GALNT2: variants seen among roughly 807,000 people sequenced by gnomAD.
GALNT2 encodes the protein UDP-GalNAc:polypeptide N-acetylgalactosaminyltransferase 2.
GALNT2 carries 31 observed loss-of-function variants against 81.4 expected under a neutral mutation model. That is an observed-to-expected ratio of 0.38 (90% confidence interval 0.29 to 0.51). The LOEUF (loss-of-function observed/expected upper bound fraction) is 0.51, where lower values mean the gene tolerates loss of function less well. GALNT2 is among the 20% of genes least tolerant of loss of function. GALNT2 has a pLI of 0.87. For synonymous variants in GALNT2, 303 were observed against 287.4 expected (o/e 1.05, Z -0.55); for missense variants, 629 against 765.7 (o/e 0.82, Z 2.11).
chr1:230,200,489 C>G (rs1663856441), intron 2 of GALNT2, among the ~76,000 whole-genome samples: 1 of 152,346 alleles, frequency 6.6e-6, no homozygotes, highest in Admixed American at 6.5e-5. Flanking sequence ...CATGTGGAGT[C>G]ACCTAGTATG....
intron 1 of GALNT2, among the ~76,000 whole-genome samples, chr1:230,144,418 A>G (rs1342781088): frequency 6.6e-6 from 1 of 152,188 alleles, no homozygotes; most frequent in Non-Finnish European, 1.5e-5. Flanking sequence ...CGCAGCACCA[A>G]ATGATAAAAG....
Position 230,236,059 on chromosome 1 carries a change from G to A in GALNT2, c.420G>A (p.Val140=). The change falls in exon 4 of 16, where the codon GTG becomes GTA. Residue 140 remains valine, a synonymous_variant. Transcript: ENST00000366672. The part of the protein sequence containing the change: ...QWRVDLPATS[V]VITFHNEARS... ...GGGTGGATCTGCCGGCCACCAGCGTGGTGATCACGTTTCACAATGAAGCCA... is the reference window on the plus strand; with the variant it reads ...GGGTGGATCTGCCGGCCACCAGCGTAGTGATCACGTTTCACAATGAAGCCA... The A allele has an allele frequency of 5.6e-6, 9 of 1,613,964 alleles. No individual in the cohort carries two copies. The highest frequency in any genetic ancestry group is 7.6e-6 in the Non-Finnish European group (9 of 1,179,990).
chr1:230,101,170 A>G (rs960756251), intron 1 of GALNT2, among the ~76,000 whole-genome samples: 1 of 152,230 alleles, frequency 6.6e-6, no homozygotes, highest in African/African-American at 2.4e-5. Context: ...TTCTTAGACC[A>G]GATCTCCATT....
chr1:230,141,161 T>C (rs1280922823), intron 1 of GALNT2, among the ~76,000 whole-genome samples: 2 of 152,220 alleles, frequency 1.3e-5, no homozygotes, highest in African/African-American at 4.8e-5. Flanking sequence ...TGATTTATTT[T>C]GTTGGCAACA....
At chr1:230,098,330 T>C (rs1660308407) in intron 1 of GALNT2, among the ~76,000 whole-genome samples, 1 of 152,126 alleles carries the variant, frequency 6.6e-6, no homozygotes, top group Non-Finnish European at 1.5e-5. Flanking sequence ...TACTGTGGGA[T>C]AGCATTCTTT....
At chr1:230,145,685 C>T (rs1279716735) in intron 1 of GALNT2, among the ~76,000 whole-genome samples, 4 of 152,226 alleles carry the variant, frequency 2.6e-5, no homozygotes, top group South Asian at 2.1e-4. Flanking sequence ...GGCCTTGCCC[C>T]GTGTGGTGCC....
At chr1:230,102,292 C>G (rs1028615076) in intron 1 of GALNT2, among the ~76,000 whole-genome samples, 1 of 152,154 alleles carries the variant, frequency 6.6e-6, no homozygotes, top group Non-Finnish European at 1.5e-5. Context: ...ATGCTGAGCG[C>G]TCAGTAACCC....
At chr1:230,218,516 C>T (rs959833196) in intron 3 of GALNT2, among the ~76,000 whole-genome samples, 1 of 152,202 alleles carries the variant, frequency 6.6e-6, no homozygotes, top group Non-Finnish European at 1.5e-5. Flanking sequence ...TGACTTAGCA[C>T]AGTGGCTGGC....
Position 230,262,910 on chromosome 1 carries a change from C to T in GALNT2, c.1230-12C>T, listed in dbSNP as rs759354958. The stretch of plus-strand genomic sequence containing the variant: ...AAAATTTATAAAGGAATCTTATTTC[C>T]CTCTTCTCCAGTATTCAGAGCAGAT... On this transcript the variant is annotated splice_polypyrimidine_tract_variant and intron_variant, in intron 12 of 15. Coordinates refer to ENST00000366672, the MANE Select transcript of GALNT2 (RefSeq NM_004481.5). 1.2e-6 allele frequency: 2 copies of T among 1,609,872 alleles called. No individual in the cohort carries two copies. Among genetic ancestry groups the T allele is most frequent in the South Asian group, 1.1e-5 (1 of 90,768 alleles).
At chr1:230,187,419 G>C (rs1329301366) in intron 2 of GALNT2, among the ~76,000 whole-genome samples, 1 of 152,252 alleles carries the variant, frequency 6.6e-6, no homozygotes, top group Non-Finnish European at 1.5e-5. Context: ...GCAGCATGCA[G>C]GTGAGTGGGT....
chr1:230,215,247 A>G (rs2102717264), intron 3 of GALNT2, among the ~76,000 whole-genome samples: 1 of 152,328 alleles, frequency 6.6e-6, no homozygotes. Context: ...CCACAGCTCC[A>G]CAGCACCTCC....
upstream of GALNT2, among the ~76,000 whole-genome samples, chr1:230,064,546 A>G (rs1659119814): frequency 6.6e-6 from 1 of 152,094 alleles, no homozygotes; most frequent in Non-Finnish European, 1.5e-5. Context: ...TGTGTCATGG[A>G]GTCTCGCTCT....
chr1:230,253,839 C>A (rs982057650), intron 10 of GALNT2, among the ~76,000 whole-genome samples: 1 of 152,158 alleles, frequency 6.6e-6, no homozygotes, highest in South Asian at 2.1e-4. Flanking sequence ...TCCTTCCCAG[C>A]CTTTACTATC....
intron 1 of GALNT2, among the ~76,000 whole-genome samples, chr1:230,076,192 G>A (rs183614477): frequency 3.3e-5 from 5 of 152,318 alleles, no homozygotes; most frequent in South Asian, 2.1e-4. Flanking sequence ...GACTGCTCCA[G>A]CAGTTTAATT....
rs564681409 is a variant in GALNT2 at position 230,222,031 on chromosome 1, C to CTTTTTT, written c.375-13975_375-13970dup. On this transcript the variant is annotated intron_variant, in intron 3 of 15. Transcript: ENST00000366672. ...TTTATATACATTTCACTGCTTTTCT[C>CTTTTTT]TTTTTTTTTTTTTGAGACAGAGTCT... 2.5e-3 allele frequency among the ~76,000 whole-genome samples: 237 copies of CTTTTTT among 96,124 alleles called. 31 individuals are homozygous for CTTTTTT. The highest frequency in any genetic ancestry group is 0.01 in the Middle Eastern group (2 of 198). The allele number at this position is 96,124 out of a possible 152,430, so 63.1% of individuals were successfully genotyped here.
chr1:230,133,676 A>T (rs561862557), intron 1 of GALNT2, among the ~76,000 whole-genome samples: 2 of 152,130 alleles, frequency 1.3e-5, no homozygotes, highest in African/African-American at 4.8e-5. Context: ...GCTGGTCTCG[A>T]ACTCCTGACC....
chr1:230,109,715 C>A (rs972564340), intron 1 of GALNT2, among the ~76,000 whole-genome samples: 2 of 152,148 alleles, frequency 1.3e-5, no homozygotes, highest in Admixed American at 6.5e-5. Flanking sequence ...GTAATCCCAG[C>A]TACTCTGGAG....
At chr1:230,179,777 G>A (rs757417149) in intron 2 of GALNT2, among the ~76,000 whole-genome samples, 3 of 152,086 alleles carry the variant, frequency 2.0e-5, no homozygotes, top group Non-Finnish European at 4.4e-5. Context: ...TGTCCTAGAA[G>A]ATTTTAATTG....
rs143970102 is a variant in GALNT2 at position 230,181,912 on chromosome 1, C to A, written c.220+3601C>A. On this transcript the variant is annotated intron_variant, in intron 2 of 15. Coordinates refer to ENST00000366672, the MANE Select transcript of GALNT2 (RefSeq NM_004481.5). Reference sequence around the variant, plus strand: ...AGATTATTAATTATTGATTCAATTTCTTTAATAGATATGACCAGTTCAAAT... The same window carrying A: ...AGATTATTAATTATTGATTCAATTTATTTAATAGATATGACCAGTTCAAAT... Among the ~76,000 whole-genome samples, 493 of 152,290 alleles carry A rather than the reference C, an allele frequency of 3.2e-3. 4 individuals are homozygous for A. Among genetic ancestry groups the A allele is most frequent in the African/African-American group, 0.012 (479 of 41,562 alleles).
Sources: gnomAD v4.1 joint callset for allele counts (sites outside exome capture counted in the v4.1 genomes callset) on GRCh38, gnomAD v4.1.1 for gene constraint, MANE v1.5 for transcripts, NCBI Gene and HGNC (gene_info 2026-07-23, HGNC 2026-07-21) for gene names.